The following ERICH1 variants were observed in gnomAD, a reference collection of about 807,000 sequenced individuals.
ERICH1 encodes the protein glutamate rich 1.
ERICH1 carries 56 observed loss-of-function variants against 39.6 expected under a neutral mutation model. That is an observed-to-expected ratio of 1.41 (90% CI 1.14 to 1.77). The LOEUF (loss-of-function observed/expected upper bound fraction) is 1.77. ERICH1 is among the 40% of genes most tolerant of loss of function. The probability of loss-of-function intolerance (pLI) is 0.00; values close to 1 mark genes in which losing one functional copy is unlikely to be tolerated. For missense variants in ERICH1, 826 were observed against 575.4 expected (o/e 1.44, Z -4.45); for synonymous variants, 313 against 223.6 (o/e 1.40, Z -3.57).
chr8:632,643 A>G (rs769097838), intron 3 of ERICH1, among the ~76,000 whole-genome samples: 7 of 152,262 alleles, frequency 4.6e-5, no homozygotes, highest in Non-Finnish European at 7.3e-5. Context: ...CGTTATGAAC[A>G]TAAAATTCAC....
In ERICH1 at chr8:647,642, C is replaced by T. The variant is rs1432623657; in HGVS notation, c.976+20956G>A. 6.0e-5 allele frequency among the ~76,000 whole-genome samples: 4 copies of T among 66,748 alleles called. 2 individuals are homozygous for T. Among genetic ancestry groups the T allele is most frequent in the Non-Finnish European group, 1.8e-4 (4 of 21,768 alleles). The allele number at this position is 66,748 out of a possible 152,430, so 43.8% of individuals were successfully genotyped here. ...ACACAAACGAATGGGTCACAGGTGA[C>T]CCGGGAAGCTGTCTGGCAGCCCTGA... On this transcript the variant is annotated intron_variant, in intron 3 of 3. Transcript: ENST00000522706.
chr8:697,055 T>G (rs1214533309), intron 2 of ERICH1, among the ~76,000 whole-genome samples: 1 of 152,180 alleles, frequency 6.6e-6, no homozygotes, highest in African/African-American at 2.4e-5. Context: ...GTGACTTCCC[T>G]CCCAGGAGGC....
chr8:625,587 T>C (rs539162840), intron 3 of ERICH1: 22 of 152,346 alleles, frequency 1.4e-4, no homozygotes, highest in African/African-American at 5.3e-4. Flanking sequence ...CTAAAAGCTG[T>C]TGAATTACAC....
intron 3 of ERICH1, among the ~76,000 whole-genome samples, chr8:690,491 G>A (rs554199351): frequency 7.2e-5 from 11 of 152,254 alleles, no homozygotes; most frequent in African/African-American, 2.7e-4. Flanking sequence ...TTGGAACCGG[G>A]ACCGGCAGAC....
At chr8:730,441 C>T (rs1315898283) in intron 1 of ERICH1, among the ~76,000 whole-genome samples, 2 of 152,138 alleles carry the variant, frequency 1.3e-5, no homozygotes, top group Non-Finnish European at 2.9e-5. Context: ...ATCCAAGTAA[C>T]ACGAGATTCA....
At chr8:632,548 G>T (rs4735809) in intron 3 of ERICH1, among the ~76,000 whole-genome samples, 1 of 151,956 alleles carries the variant, frequency 6.6e-6, no homozygotes, top group South Asian at 2.1e-4. Flanking sequence ...TACTAGAATA[G>T]AATAACAAAA....
At chr8:706,318 G>T (rs1299402776) in intron 2 of ERICH1, among the ~76,000 whole-genome samples, 1 of 152,154 alleles carries the variant, frequency 6.6e-6, no homozygotes, top group Non-Finnish European at 1.5e-5. Context: ...AAAATCCCTT[G>T]CATTTTCACA....
intron 3 of ERICH1, among the ~76,000 whole-genome samples, chr8:618,556 TC>T (rs1797082546): frequency 6.6e-6 from 1 of 152,054 alleles, no homozygotes; most frequent in Admixed American, 6.6e-5. Flanking sequence ...TGACAGAGCC[TC>T]CCCCTCCCAC....
downstream of ERICH1, among the ~76,000 whole-genome samples, chr8:661,780 T>C (rs1449030583): frequency 2.0e-5 from 3 of 152,264 alleles, no homozygotes; most frequent in Admixed American, 6.5e-5. Context: ...CCTGCTCGAC[T>C]GTACCTCTAT....
At chr8:661,168 G>A (rs1433500469), downstream of ERICH1, among the ~76,000 whole-genome samples, 5 of 152,110 alleles carry the variant, frequency 3.3e-5, no homozygotes, top group African/African-American at 4.8e-5. Flanking sequence ...ATTTTGGAGC[G>A]GGTGGAACAC....
At chr8:707,503 G>A (rs1364066460) in intron 2 of ERICH1, among the ~76,000 whole-genome samples, 1 of 152,092 alleles carries the variant, frequency 6.6e-6, no homozygotes. Context: ...CACCGCACCT[G>A]GCTGCCAACT....
intron 2 of ERICH1, among the ~76,000 whole-genome samples, chr8:693,175 C>A (rs945590669): frequency 1.3e-5 from 2 of 151,728 alleles, no homozygotes; most frequent in African/African-American, 4.8e-5. Context: ...CAGCCACAGA[C>A]CACACACACA....
intron 2 of ERICH1, among the ~76,000 whole-genome samples, chr8:711,024 T>C (rs751688643): frequency 6.6e-6 from 1 of 152,216 alleles, no homozygotes; most frequent in South Asian, 2.1e-4. Flanking sequence ...GCATTTGGTG[T>C]TGTTAGTGTT....
chr8:630,090 AC>A (rs1797896225), intron 3 of ERICH1, among the ~76,000 whole-genome samples: 4 of 128,926 alleles, frequency 3.1e-5, no homozygotes, highest in Admixed American at 1.5e-4. Context: ...ACCCACACAG[AC>A]AGAGCTGACT....
intron 3 of ERICH1, among the ~76,000 whole-genome samples, chr8:687,808 G>A (rs1487068379): frequency 6.6e-6 from 1 of 152,178 alleles, no homozygotes; most frequent in Non-Finnish European, 1.5e-5. Context: ...CAGCCACGGA[G>A]GAATCGGGGG....
intron 3 of ERICH1, among the ~76,000 whole-genome samples, chr8:690,606 A>G (rs1808684590): frequency 6.6e-6 from 1 of 152,236 alleles, no homozygotes; most frequent in Non-Finnish European, 1.5e-5. Context: ...CTGAGGGCTA[A>G]GCACCAGGTA....
intron 3 of ERICH1, among the ~76,000 whole-genome samples, chr8:684,288 A>G (rs1806807157): frequency 1.3e-5 from 2 of 152,368 alleles, no homozygotes; most frequent in Middle Eastern, 3.4e-3. Flanking sequence ...AAAGAATAGG[A>G]AAGTTAAGAA....
chr8:627,945 G>A (rs755286744), intron 3 of ERICH1, among the ~76,000 whole-genome samples: 6 of 152,150 alleles, frequency 3.9e-5, no homozygotes, highest in Admixed American at 6.5e-5. Flanking sequence ...CAGGGGCCGG[G>A]GGGGCCTGGA....
intron 3 of ERICH1, among the ~76,000 whole-genome samples, chr8:688,168 G>A (rs996458304): frequency 1.3e-5 from 2 of 151,566 alleles, no homozygotes; most frequent in African/African-American, 2.4e-5. Context: ...CCTCAAGGCC[G>A]TGGCGAGCCG....
Sources: gnomAD v4.1 joint callset for allele counts (sites outside exome capture counted in the v4.1 genomes callset) on GRCh38, gnomAD v4.1.1 for gene constraint, MANE v1.5 for transcripts, NCBI Gene and HGNC (gene_info 2026-07-23, HGNC 2026-07-21) for gene names.